The following SNX18 variants were observed in gnomAD, a reference collection of about 807,000 sequenced individuals.
SNX18 encodes the protein sorting nexin-18.
A neutral mutation model predicts 48.7 loss-of-function variants in SNX18; 35 were observed. That is an observed-to-expected ratio of 0.72 (90% CI 0.55 to 0.95). The LOEUF is 0.95. SNX18 is among the 40% of genes least tolerant of loss of function. The probability of loss-of-function intolerance (pLI) is 0.00; values close to 1 mark genes in which losing one functional copy is unlikely to be tolerated. For synonymous variants in SNX18, 492 were observed against 384.7 expected (o/e 1.28, Z -3.26); for missense variants, 824 against 871.0 (o/e 0.95, Z 0.68).
At chr5:54,523,489 A>G (rs1024279605) in intron 1 of SNX18, among the ~76,000 whole-genome samples, 4 of 152,242 alleles carry the variant, frequency 2.6e-5, no homozygotes, top group Non-Finnish European at 4.4e-5. Flanking sequence ...AAAAATGGCT[A>G]GAGGGAGTTC....
intron 1 of SNX18, among the ~76,000 whole-genome samples, chr5:54,532,901 T>TA (rs1427316570): frequency 1.3e-5 from 2 of 152,222 alleles, no homozygotes; most frequent in Non-Finnish European, 2.9e-5. Context: ...TTTTAAGGTA[T>TA]TTATACGCAA....
At chr5:54,583,679 A>G in the SNX18 span, among the ~76,000 whole-genome samples, 1 of 152,214 alleles carries the variant, frequency 6.6e-6, no homozygotes, top group Non-Finnish European at 1.5e-5. Context: ...CATGTTTTGG[A>G]GAAATAAAAT....
the SNX18 span, among the ~76,000 whole-genome samples, chr5:54,616,554 C>G: frequency 6.6e-6 from 1 of 152,104 alleles, no homozygotes; most frequent in Non-Finnish European, 1.5e-5. Flanking sequence ...AGGTGGATCA[C>G]CTGAGGTCAG....
At chr5:54,594,017 G>T in the SNX18 span, among the ~76,000 whole-genome samples, 1 of 152,046 alleles carries the variant, frequency 6.6e-6, no homozygotes. Flanking sequence ...ACAGATAATT[G>T]CCATAAAAGA....
the SNX18 span, among the ~76,000 whole-genome samples, chr5:54,554,410 G>T: frequency 6.6e-6 from 1 of 152,114 alleles, no homozygotes; most frequent in African/African-American, 2.4e-5. Flanking sequence ...TCACTTTCTT[G>T]CTACAAGTAG....
chr5:54,637,091 G>A, the SNX18 span, among the ~76,000 whole-genome samples: 1 of 152,138 alleles, frequency 6.6e-6, no homozygotes, highest in East Asian at 1.9e-4. Flanking sequence ...GTTCAGTGTG[G>A]AACAGTGGAT....
At chr5:54,523,064 A>G (rs577348913) in intron 1 of SNX18, among the ~76,000 whole-genome samples, 1 of 152,244 alleles carries the variant, frequency 6.6e-6, no homozygotes, top group Non-Finnish European at 1.5e-5. Flanking sequence ...CTTTGACCTA[A>G]TAGGAGTCCT....
chr5:54,641,707 T>G, the SNX18 span, among the ~76,000 whole-genome samples: 6 of 152,308 alleles, frequency 3.9e-5, no homozygotes, highest in South Asian at 1.0e-3. Flanking sequence ...AGGGAAACTA[T>G]AGAGTCACAT....
rs550419722 is a variant in SNX18 at position 54,525,921 on chromosome 5, G to A, written c.1621+6348G>A. ...TTGATGTGAAAGAACATTTATGCACGTTTAGTTCAGATCAGCAATCACGCA... is the reference window on the plus strand; with the variant it reads ...TTGATGTGAAAGAACATTTATGCACATTTAGTTCAGATCAGCAATCACGCA... On this transcript the variant is annotated intron_variant, in intron 1 of 1. Transcript: ENST00000381410. Among the ~76,000 whole-genome samples, 9 of 152,258 alleles carry A rather than the reference G, an allele frequency of 5.9e-5. No individual in the cohort carries two copies. In the East Asian group the frequency reaches 1.4e-3, roughly 23 times the overall value.
chr5:54,582,403 G>T, the SNX18 span, among the ~76,000 whole-genome samples: 1 of 152,146 alleles, frequency 6.6e-6, no homozygotes, highest in Non-Finnish European at 1.5e-5. Flanking sequence ...TGCAATGTTA[G>T]ATACTTTCAG....
the SNX18 span, among the ~76,000 whole-genome samples, chr5:54,564,833 A>G: frequency 6.6e-6 from 1 of 152,210 alleles, no homozygotes; most frequent in East Asian, 1.9e-4. Context: ...TCTCCAGCCT[A>G]GGCAACAGAG....
At chr5:54,597,779 A>G in the SNX18 span, among the ~76,000 whole-genome samples, 2 of 152,260 alleles carry the variant, frequency 1.3e-5, no homozygotes, top group African/African-American at 4.8e-5. Context: ...GCTCACATCA[A>G]AAAACTAGAA....
At chr5:54,573,821 A>G in the SNX18 span, among the ~76,000 whole-genome samples, 2 of 152,194 alleles carry the variant, frequency 1.3e-5, no homozygotes, top group African/African-American at 4.8e-5. Flanking sequence ...TGCATCTGGT[A>G]GACTCAGTGC....
At chr5:54,617,501 G>C in the SNX18 span, among the ~76,000 whole-genome samples, 1 of 152,122 alleles carries the variant, frequency 6.6e-6, no homozygotes, top group Non-Finnish European at 1.5e-5. Context: ...TCTGTCAGTG[G>C]CATTACTAAA....
chr5:54,530,352 T>C (rs1382999531), intron 1 of SNX18, among the ~76,000 whole-genome samples: 2 of 152,208 alleles, frequency 1.3e-5, no homozygotes, highest in African/African-American at 4.8e-5. Flanking sequence ...TCATCTCATT[T>C]GGTGGCTGTG....
chr5:54,645,517 T>C, the SNX18 span: 1 of 152,246 alleles, frequency 6.6e-6, no homozygotes, highest in Non-Finnish European at 1.5e-5. Flanking sequence ...TTATCTTGCT[T>C]CTTCCCCCAG....
chr5:54,594,526 CTG>C, the SNX18 span, among the ~76,000 whole-genome samples: 1 of 152,156 alleles, frequency 6.6e-6, no homozygotes, highest in East Asian at 1.9e-4. Flanking sequence ...TGTGTCTAGA[CTG>C]TTTATGCAAA....
the SNX18 span, among the ~76,000 whole-genome samples, chr5:54,586,902 G>C: frequency 0.022 from 3,295 of 152,138 alleles, 84 homozygotes; most frequent in South Asian, 0.071. Context: ...TATAAATATA[G>C]ATATGTCTCA....
chr5:54,562,066 T>G, the SNX18 span, among the ~76,000 whole-genome samples: 2 of 152,234 alleles, frequency 1.3e-5, no homozygotes, highest in Non-Finnish European at 2.9e-5. Context: ...TCTAATAACA[T>G]TCACTACCAC....
Sources: gnomAD v4.1 joint callset for allele counts (sites outside exome capture counted in the v4.1 genomes callset) on GRCh38, gnomAD v4.1.1 for gene constraint, MANE v1.5 for transcripts, NCBI Gene and HGNC (gene_info 2026-07-23, HGNC 2026-07-21) for gene names.